Variants in HDAC4 observed in about 807,000 individuals in gnomAD.
HDAC4 encodes histone deacetylase 4.
A neutral mutation model predicts 135.1 loss-of-function variants in HDAC4; 16 were observed. The ratio of observed to expected loss-of-function variants is 0.12; its 90% CI spans 0.08 to 0.18. The LOEUF is 0.18. Among genes scored for constraint, HDAC4 ranks in the 10% least tolerant of loss-of-function variants. HDAC4 has a pLI of 1.00. For synonymous variants in HDAC4, 685 were observed against 653.4 expected (o/e 1.05, Z -0.74); for missense variants, 1,143 against 1,511.8 (o/e 0.76, Z 4.05).
Position 239,164,100 on chromosome 2 carries a change from G to A in HDAC4, c.491-177C>T, listed in dbSNP as rs980301382. ...AAGGCCGGGAGGGGTTTTAATGAGA[G>A]GTTTTCTTCCCATCAAGATTTTACA... On this transcript the variant is annotated intron_variant, in intron 5 of 26. Transcript: ENST00000543185. Among the ~76,000 whole-genome samples, 3 of 152,072 alleles carry A rather than the reference G, an allele frequency of 2.0e-5. No individual in the cohort carries two copies. The East Asian group carries it at 5.8e-4, about 29-fold the overall frequency.
rs73097636 is a variant in HDAC4, at chr2:239,108,366, G to A, written c.1979-183C>T. Among the ~76,000 whole-genome samples, 9,914 of 152,252 alleles carry A rather than the reference G, an allele frequency of 0.065. 1,111 individuals are homozygous for A. The highest frequency in any genetic ancestry group is 0.23 in the African/African-American group (9,398 of 41,524). The stretch of plus-strand genomic sequence containing the variant: ...CCTTGACTGGCCAGGCCCAGAGAAC[G>A]TGGACGAATGCAGAGGCCAGGCGGG... On this transcript the variant is annotated intron_variant, in intron 14 of 26. Coordinates refer to ENST00000543185, the MANE Select transcript of HDAC4 (RefSeq NM_001378414.1).
intron 4 of HDAC4, among the ~76,000 whole-genome samples, chr2:239,180,757 G>A (rs765736261): frequency 3.3e-5 from 5 of 152,180 alleles, no homozygotes; most frequent in Non-Finnish European, 5.9e-5. Flanking sequence ...GTGCTGGGCC[G>A]CTGCCCCCCA....
chr2:239,294,037 C>A (rs188613195), intron 2 of HDAC4, among the ~76,000 whole-genome samples: 69 of 152,358 alleles, frequency 4.5e-4, no homozygotes, highest in Middle Eastern at 3.4e-3. Context: ...CTGGGCCACA[C>A]AAATACCCGC....
At chr2:239,388,968 G>A (rs532334274) in intron 1 of HDAC4, among the ~76,000 whole-genome samples, 2 of 152,220 alleles carry the variant, frequency 1.3e-5, no homozygotes, top group Non-Finnish European at 2.9e-5. Context: ...ACCCTGCCGA[G>A]GGCTTCTCCC....
chr2:239,087,208 G>A (rs1409538125), intron 19 of HDAC4, among the ~76,000 whole-genome samples: 2 of 152,242 alleles, frequency 1.3e-5, no homozygotes, highest in Non-Finnish European at 2.9e-5. Context: ...AATGACCTGA[G>A]TCCTCTAGAC....
At chr2:239,287,924 T>C (rs1009126285) in intron 2 of HDAC4, among the ~76,000 whole-genome samples, 3 of 152,182 alleles carry the variant, frequency 2.0e-5, no homozygotes, top group Admixed American at 6.5e-5. Context: ...GTTCAGGTTA[T>C]CAGTAACCAT....
intron 5 of HDAC4, 50 bp from the exon 6 acceptor site, chr2:239,163,973 A>G: frequency 6.2e-7 from 1 of 1,611,940 alleles, no homozygotes; most frequent in African/African-American, 1.3e-5. Context: ...TCTGCCCTAC[A>G]GCAGCAATGC....
chr2:239,282,722 C>G (rs1413034115), intron 2 of HDAC4, among the ~76,000 whole-genome samples: 4 of 149,026 alleles, frequency 2.7e-5, no homozygotes, highest in African/African-American at 5.1e-5. Context: ...AATGTACACA[C>G]CACTCTACAA....
At chr2:239,072,269 A>G (rs899900594) in intron 22 of HDAC4, among the ~76,000 whole-genome samples, 9 of 152,218 alleles carry the variant, frequency 5.9e-5, no homozygotes, top group African/African-American at 2.2e-4. Flanking sequence ...TGGTGCAGAA[A>G]CATTTTGAAA....
At chr2:239,251,687 G>A (rs539708322) in intron 2 of HDAC4, among the ~76,000 whole-genome samples, 10 of 152,134 alleles carry the variant, frequency 6.6e-5, no homozygotes, top group African/African-American at 2.4e-4. Context: ...CTACCTCCTT[G>A]TATTCTAGAA....
intron 15 of HDAC4, among the ~76,000 whole-genome samples, chr2:239,105,315 G>C (rs746546727): frequency 6.6e-6 from 1 of 152,200 alleles, no homozygotes; most frequent in Non-Finnish European, 1.5e-5. Context: ...CTGGAGGCAG[G>C]ACAAACCAAG....
At chr2:239,335,508 C>CAA (rs61007856) in intron 2 of HDAC4, among the ~76,000 whole-genome samples, 980 of 58,260 alleles carry the variant, frequency 0.017, 5 homozygotes, top group East Asian at 0.03. Flanking sequence ...ATCTGTTCAG[C>CAA]AAAAAAAAAA....
chr2:239,286,943 A>G (rs1477449930), intron 2 of HDAC4, among the ~76,000 whole-genome samples: 1 of 151,990 alleles, frequency 6.6e-6, no homozygotes, highest in East Asian at 1.9e-4. Flanking sequence ...TACTAAAGCT[A>G]CTCCTAAGGG....
intron 3 of HDAC4, among the ~76,000 whole-genome samples, chr2:239,215,999 T>C (rs561941304): frequency 6.6e-6 from 1 of 152,300 alleles, no homozygotes; most frequent in Admixed American, 6.5e-5. Context: ...TTTAAAATAA[T>C]AGGTACTTTT....
intron 2 of HDAC4, among the ~76,000 whole-genome samples, chr2:239,329,738 G>C (rs1288473938): frequency 6.6e-6 from 1 of 152,204 alleles, no homozygotes; most frequent in Non-Finnish European, 1.5e-5. Flanking sequence ...GGCTACAAAG[G>C]GTTCTGGATC....
chr2:239,112,165 G>A (rs1344118111), intron 13 of HDAC4, among the ~76,000 whole-genome samples: 1 of 152,182 alleles, frequency 6.6e-6, no homozygotes. Context: ...CGGCAGCCTG[G>A]CCCTCGCTGG....
intron 20 of HDAC4, among the ~76,000 whole-genome samples, chr2:239,082,752 C>T (rs541955352): frequency 6.6e-6 from 1 of 152,376 alleles, no homozygotes; most frequent in East Asian, 1.9e-4. Context: ...GTACGGGGTC[C>T]AGGCCCCTGT....
chr2:239,126,668 G>A lies in HDAC4; in HGVS notation c.1321C>T (p.Leu441=), dbSNP rs763722576. The A allele has an allele frequency of 6.2e-7, 1 of 1,614,016 alleles. No individual in the cohort carries two copies. The highest frequency in any genetic ancestry group is 1.1e-5 in the South Asian group (1 of 91,078). ...TDWYLSGLGA[L]PLHAQSLVGA... is the part of the protein sequence containing the mutation. ...ACCAAGGACTGTGCGTGGAGGGGCA[G>A]TGCTCCCAGGCCTGAAAGATACCAG... Residue 441 remains leucine (L), a synonymous_variant, in exon 12 of 27, where the codon CTG becomes TTG. Coordinates refer to ENST00000543185, the MANE Select transcript of HDAC4 (RefSeq NM_001378414.1).
intron 2 of HDAC4, among the ~76,000 whole-genome samples, chr2:239,319,742 C>T (rs1477673802): frequency 1.3e-5 from 2 of 152,230 alleles, no homozygotes; most frequent in African/African-American, 4.8e-5. Context: ...CAGTCACCGA[C>T]AGCTACAGGC....
Sources: gnomAD v4.1 joint callset for allele counts (sites outside exome capture counted in the v4.1 genomes callset) on GRCh38, gnomAD v4.1.1 for gene constraint, MANE v1.5 for transcripts, NCBI Gene and HGNC (gene_info 2026-07-23, HGNC 2026-07-21) for gene names.